PLCB1: variants seen among roughly 807,000 people sequenced by gnomAD.
The protein encoded by PLCB1 is 1-phosphatidylinositol 4,5-bisphosphate phosphodiesterase beta-1.
Under a neutral mutation model 161.8 loss-of-function variants are expected in PLCB1, and 46 were observed. The ratio of observed to expected loss-of-function variants is 0.28; its 90% CI spans 0.22 to 0.36. The LOEUF (loss-of-function observed/expected upper bound fraction) is 0.36, where lower values mean the gene tolerates loss of function less well. Among genes scored for constraint, PLCB1 ranks in the 10% least tolerant of loss-of-function variants. The pLI, the probability that PLCB1 is intolerant of heterozygous loss-of-function variation, is 1.00. For missense variants in PLCB1, 1,016 were observed against 1,472.5 expected, an observed-to-expected ratio of 0.69 and a Z score of 5.07; for synonymous variants, 517 against 503.7, an observed-to-expected ratio of 1.03 and a Z score of -0.35.
At chr20:8,875,213 T>C (rs1346116665) in intron 31 of PLCB1, among the ~76,000 whole-genome samples, 1 of 150,918 alleles carries the variant, frequency 6.6e-6, no homozygotes, top group Non-Finnish European at 1.5e-5. Context: ...GATAAAGATA[T>C]CTATATTTTT....
At chr20:8,309,010 T>C (rs1448327188) in intron 2 of PLCB1, among the ~76,000 whole-genome samples, 1 of 151,962 alleles carries the variant, frequency 6.6e-6, no homozygotes, top group South Asian at 2.1e-4. Flanking sequence ...CTGAGTATTA[T>C]TGGGGGAAAA....
intron 3 of PLCB1, among the ~76,000 whole-genome samples, chr20:8,505,418 C>A (rs1280408605): frequency 1.2e-4 from 18 of 152,068 alleles, no homozygotes; most frequent in Admixed American, 1.2e-3. Context: ...TTTTAGTTAC[C>A]CCACCAGAGA....
Position 8,340,446 on chromosome 20 carries a change from G to A in PLCB1, c.178-30936G>A, listed in dbSNP as rs537013956. On this transcript the variant is annotated intron_variant, in intron 2 of 31. Coordinates refer to ENST00000338037, the MANE Select transcript of PLCB1 (RefSeq NM_015192.4). ...TTGTTTTTGTTTTTGTTTTTGAGAC[G>A]GAGTCTCGCTCTGTCGCCCAGGCTG... Among the ~76,000 whole-genome samples the A allele has an allele frequency of 4.0e-5, 6 of 151,654 alleles. No individual in the cohort carries two copies. The South Asian group carries it at 1.2e-3, about 32-fold the overall frequency.
intron 3 of PLCB1, among the ~76,000 whole-genome samples, chr20:8,555,763 A>G (rs1427517205): frequency 2.6e-5 from 4 of 152,128 alleles, no homozygotes; most frequent in South Asian, 2.1e-4. Context: ...TCAGGGCTTC[A>G]TCAAAACATC....
At chr20:8,707,201 T>C (rs974044696) in intron 11 of PLCB1, among the ~76,000 whole-genome samples, 22 of 152,130 alleles carry the variant, frequency 1.4e-4, no homozygotes, top group African/African-American at 4.3e-4. Flanking sequence ...TTAGAGGATA[T>C]ATGCAAATGT....
At chr20:8,230,548 T>A (rs1359406878) in intron 2 of PLCB1, among the ~76,000 whole-genome samples, 1 of 152,158 alleles carries the variant, frequency 6.6e-6, no homozygotes, top group East Asian at 1.9e-4. Context: ...TACCCACCAC[T>A]AATCTTTCCA....
At chr20:8,861,228 A>G (rs929807235) in intron 31 of PLCB1, among the ~76,000 whole-genome samples, 2 of 152,246 alleles carry the variant, frequency 1.3e-5, no homozygotes, top group African/African-American at 4.8e-5. Context: ...AGGAAATGCA[A>G]ACATACTTGT....
chr20:8,160,519 G>T (rs1018417333), intron 2 of PLCB1, among the ~76,000 whole-genome samples: 16 of 152,200 alleles, frequency 1.1e-4, no homozygotes, highest in African/African-American at 3.1e-4. Context: ...AAGGTGAGAG[G>T]CACGTCTCAC....
At chr20:8,144,658 C>T (rs1269766297) in intron 1 of PLCB1, among the ~76,000 whole-genome samples, 1 of 152,212 alleles carries the variant, frequency 6.6e-6, no homozygotes, top group Non-Finnish European at 1.5e-5. Context: ...ATAGTCAGGG[C>T]TGTATTGCTC....
chr20:8,847,746 C>T (rs1166467494), intron 31 of PLCB1, among the ~76,000 whole-genome samples: 2 of 152,256 alleles, frequency 1.3e-5, no homozygotes, highest in African/African-American at 4.8e-5. Flanking sequence ...ACTAGAACAG[C>T]TCACAGAACT....
chr20:8,532,861 T>C (rs1984867733), intron 3 of PLCB1, among the ~76,000 whole-genome samples: 1 of 152,098 alleles, frequency 6.6e-6, no homozygotes, highest in Admixed American at 6.6e-5. Context: ...TTTTATTTTA[T>C]TTTATTTTAT....
chr20:8,522,506 C>T (rs1406007468), intron 3 of PLCB1, among the ~76,000 whole-genome samples: 1 of 152,108 alleles, frequency 6.6e-6, no homozygotes, highest in African/African-American at 2.4e-5. Flanking sequence ...ATGATCTACA[C>T]TTTCTCCCCA....
intron 3 of PLCB1, among the ~76,000 whole-genome samples, chr20:8,437,118 A>G (rs2122598357): frequency 6.6e-6 from 1 of 152,222 alleles, no homozygotes; most frequent in East Asian, 1.9e-4. Context: ...TGATCTGTTC[A>G]GCCAGGCCTG....
At chr20:8,196,915 G>A (rs1448541797) in intron 2 of PLCB1, among the ~76,000 whole-genome samples, 5 of 151,614 alleles carry the variant, frequency 3.3e-5, no homozygotes, top group African/African-American at 4.9e-5. Context: ...GAGAACATGC[G>A]GTGTTTGGTT....
chr20:8,153,862 A>C (rs910163144), intron 2 of PLCB1, among the ~76,000 whole-genome samples: 2 of 152,196 alleles, frequency 1.3e-5, no homozygotes, highest in African/African-American at 4.8e-5. Context: ...CACGGTTTGC[A>C]TGAAGAACTC....
At chr20:8,670,881 G>A (rs1989926211) in intron 9 of PLCB1, among the ~76,000 whole-genome samples, 2 of 152,258 alleles carry the variant, frequency 1.3e-5, no homozygotes, top group Middle Eastern at 3.4e-3. Context: ...AATTCGCAAG[G>A]GCCAAAGCAC....
Position 8,325,545 on chromosome 20 carries a change from T to A in PLCB1, c.178-45837T>A, listed in dbSNP as rs535844781. On this transcript the variant is annotated intron_variant, in intron 2 of 31. Transcript: ENST00000338037. ...GACACTTAAGTGGTACTTACTATGTTCCAGGTACTGAGCTGAGAAATTTAT... is the reference window on the plus strand; with the variant it reads ...GACACTTAAGTGGTACTTACTATGTACCAGGTACTGAGCTGAGAAATTTAT... Among the ~76,000 whole-genome samples the A allele has an allele frequency of 4.9e-4, 74 of 152,322 alleles. 2 individuals are homozygous for A. The South Asian group carries it at 0.015, about 32-fold the overall frequency.
chr20:8,438,852 C>A (rs1214060951), intron 3 of PLCB1, among the ~76,000 whole-genome samples: 1 of 151,998 alleles, frequency 6.6e-6, no homozygotes, highest in Non-Finnish European at 1.5e-5. Flanking sequence ...TTTCACCTGG[C>A]CCCAAGACGA....
intron 3 of PLCB1, among the ~76,000 whole-genome samples, chr20:8,458,143 G>A (rs1287781396): frequency 1.3e-5 from 2 of 152,104 alleles, no homozygotes; most frequent in African/African-American, 4.8e-5. Flanking sequence ...TGCTTCCTCC[G>A]GTTGATTCTG....
Sources: allele counts gnomAD v4.1 joint callset (sites outside exome capture counted in the v4.1 genomes callset), GRCh38; gene constraint gnomAD v4.1.1; transcripts MANE v1.5; gene names NCBI Gene and HGNC (gene_info 2026-07-23, HGNC 2026-07-21).